Variants in DIS3L2 observed in about 807,000 individuals in gnomAD.
The protein encoded by DIS3L2 is DIS3-like exonuclease 2.
Under a neutral mutation model 97.5 loss-of-function variants are expected in DIS3L2, and 34 were observed. The observed-to-expected ratio is 0.35, with a 90% CI of 0.27 to 0.46. The LOEUF (loss-of-function observed/expected upper bound fraction) is 0.46, where lower values mean the gene tolerates loss of function less well. Ranked by LOEUF, DIS3L2 falls within the 20% of genes least tolerant of loss-of-function variation. The probability of loss-of-function intolerance (pLI) is 1.00; values close to 1 mark genes in which losing one functional copy is unlikely to be tolerated. For missense variants in DIS3L2, 1,038 were observed against 1,146.0 expected, an observed-to-expected ratio of 0.91 and a Z score of 1.36; for synonymous variants, 435 against 445.2, an observed-to-expected ratio of 0.98 and a Z score of 0.29.
intron 5 of DIS3L2, among the ~76,000 whole-genome samples, chr2:232,062,229 T>A (rs1045775238): frequency 1.3e-5 from 2 of 152,082 alleles, no homozygotes; most frequent in African/African-American, 4.8e-5. Context: ...TAGTTTTAGG[T>A]GGCTTATTCT....
chr2:232,276,037 T>C lies in DIS3L2; in HGVS notation c.1659+12597T>C, dbSNP rs1694131389. On this transcript the variant is annotated intron_variant, in intron 13 of 20. Transcript: ENST00000325385. This position sits in a 1 kb window ranked among gnomAD's most constrained non-coding sequence, Gnocchi z 4.4. The stretch of plus-strand genomic sequence containing the variant: ...AACAAATTAGAAATTATTTAATTGC[T>C]CCTTGAATCGTGACCTCCTGGGGTA... 6.6e-6 allele frequency among the ~76,000 whole-genome samples: 1 copy of C among 152,248 alleles called. No homozygotes were observed. Among genetic ancestry groups the C allele is most frequent in the Admixed American group, 6.5e-5 (1 of 15,286 alleles).
At chr2:232,072,786 GTGT>G (rs1696064990) in intron 5 of DIS3L2, among the ~76,000 whole-genome samples, 53 of 143,566 alleles carry the variant, frequency 3.7e-4, no homozygotes, top group East Asian at 8.0e-4. Context: ...GATGTGGGGT[GTGT>G]GTGTGTGTGT....
intron 16 of DIS3L2, among the ~76,000 whole-genome samples, chr2:232,333,256 C>A (rs1239138026): frequency 4.6e-5 from 6 of 130,984 alleles, no homozygotes; most frequent in Non-Finnish European, 6.6e-5. Context: ...CCTCCTCCTC[C>A]GCTGTCGCCT....
intron 6 of DIS3L2, 94 bp downstream of exon 6, chr2:232,087,815 T>C (rs1277183847): frequency 9.9e-7 from 1 of 1,009,216 alleles, no homozygotes; most frequent in Non-Finnish European, 1.5e-6. Flanking sequence ...CACAATGCCA[T>C]TGATATAGTC....
intron 5 of DIS3L2, among the ~76,000 whole-genome samples, chr2:232,072,643 A>G (rs939416996): frequency 1.3e-5 from 2 of 152,104 alleles, no homozygotes; most frequent in Non-Finnish European, 2.9e-5. Flanking sequence ...TTGGGAATAG[A>G]CTGAAAGGAG....
At chr2:232,090,496 G>T (rs529705585) in intron 6 of DIS3L2, among the ~76,000 whole-genome samples, 24 of 152,038 alleles carry the variant, frequency 1.6e-4, no homozygotes, top group Non-Finnish European at 3.2e-4. Context: ...TAGGAAAATT[G>T]CAATTTGCTC....
At chr2:231,979,444 A>G (rs1273925446) in intron 1 of DIS3L2, among the ~76,000 whole-genome samples, 1 of 151,900 alleles carries the variant, frequency 6.6e-6, no homozygotes, top group Non-Finnish European at 1.5e-5. Context: ...TTTTGTAGAG[A>G]TGGGGTTTCA....
intron 5 of DIS3L2, among the ~76,000 whole-genome samples, chr2:232,072,780 T>TG (rs368243474): frequency 7.9e-6 from 1 of 125,820 alleles, no homozygotes; most frequent in South Asian, 3.1e-4. Context: ...AGTTGGGATG[T>TG]GGGGTGTGTG....
intron 5 of DIS3L2, among the ~76,000 whole-genome samples, chr2:232,045,292 G>A (rs1695207174): frequency 6.6e-6 from 1 of 152,166 alleles, no homozygotes; most frequent in Admixed American, 6.5e-5. Context: ...GTGAGCAGAG[G>A]TAAGTTCTTG....
At chr2:232,024,006 A>G (rs781418854) in intron 3 of DIS3L2, among the ~76,000 whole-genome samples, 6 of 152,138 alleles carry the variant, frequency 3.9e-5, no homozygotes, top group Admixed American at 6.6e-5. Context: ...AATAGTTGCC[A>G]CTTTCCCACT....
In DIS3L2 at chr2:231,962,703, A is replaced by G. The variant is rs992273457; in HGVS notation, c.-94+938A>G. On this transcript the variant is annotated intron_variant, in intron 1 of 20. Coordinates refer to ENST00000325385, the MANE Select transcript of DIS3L2 (RefSeq NM_152383.5). ...GCCCGCCTTGGCCTCCCAAAGTGCT[A>G]GGATTACAGGCGTGAGCCACCGCAC... Among the ~76,000 whole-genome samples, 6 of 152,032 alleles carry G rather than the reference A, an allele frequency of 3.9e-5. No individual in the cohort carries two copies. In the South Asian group the frequency reaches 6.2e-4, roughly 16 times the overall value.
intron 9 of DIS3L2, among the ~76,000 whole-genome samples, chr2:232,163,848 C>T (rs920819356): frequency 1.1e-4 from 16 of 152,132 alleles, no homozygotes; most frequent in Non-Finnish European, 1.5e-5. Flanking sequence ...ATGGTTTTTA[C>T]ATTTTTAAAT....
At chr2:232,228,117 C>T (rs1692695780) in intron 10 of DIS3L2, among the ~76,000 whole-genome samples, 1 of 152,116 alleles carries the variant, frequency 6.6e-6, no homozygotes, top group Non-Finnish European at 1.5e-5. Flanking sequence ...CAGGCATGCA[C>T]CACCAGGCCC....
intron 1 of DIS3L2, among the ~76,000 whole-genome samples, chr2:231,979,633 A>C (rs183142003): frequency 3.3e-5 from 5 of 152,126 alleles, no homozygotes; most frequent in Non-Finnish European, 1.5e-5. Flanking sequence ...GCTGGAGTGC[A>C]GTGGTGTGAT....
intron 1 of DIS3L2, among the ~76,000 whole-genome samples, chr2:231,981,452 T>G (rs1693253268): frequency 3.3e-5 from 5 of 151,356 alleles, no homozygotes; most frequent in Admixed American, 1.3e-4. Context: ...CTGTAAATAA[T>G]AAACACATAG....
intron 1 of DIS3L2, among the ~76,000 whole-genome samples, chr2:231,964,948 C>T (rs781618758): frequency 2.0e-5 from 3 of 152,190 alleles, no homozygotes; most frequent in Non-Finnish European, 4.4e-5. Flanking sequence ...ACAGGAAGTC[C>T]TAATTCCTTT....
At chr2:232,295,563 A>C (rs1694704461) in intron 13 of DIS3L2, among the ~76,000 whole-genome samples, 1 of 152,138 alleles carries the variant, frequency 6.6e-6, no homozygotes, top group African/African-American at 2.4e-5. Context: ...TCAGCATTGA[A>C]ACAAGTCTCT....
At chr2:232,267,216 G>A (rs1035920893) in intron 13 of DIS3L2, among the ~76,000 whole-genome samples, 1 of 152,210 alleles carries the variant, frequency 6.6e-6, no homozygotes, top group Non-Finnish European at 1.5e-5. Context: ...CTAGTGTGCT[G>A]TCATATATTA....
At chr2:232,238,788 A>G in intron 11 of DIS3L2, 143 bp downstream of exon 11, 1 of 685,846 alleles carries the variant, frequency 1.5e-6, no homozygotes, top group South Asian at 2.1e-5. Flanking sequence ...GCCTCATCCC[A>G]GAGTGGCCCT....
Sources: gnomAD v4.1 joint callset for allele counts (sites outside exome capture counted in the v4.1 genomes callset) on GRCh38, gnomAD v4.1.1 for gene constraint, Gnocchi (gnomAD v3.1) non-coding constraint, MANE v1.5 for transcripts, NCBI Gene and HGNC (gene_info 2026-07-23, HGNC 2026-07-21) for gene names.